LUZP2: variants seen among roughly 807,000 people sequenced by gnomAD.
LUZP2 encodes the protein leucine zipper protein 2.
Under a neutral mutation model 51.6 loss-of-function variants are expected in LUZP2, and 52 were observed. That is an observed-to-expected ratio of 1.01 (90% CI 0.81 to 1.27). The LOEUF (loss-of-function observed/expected upper bound fraction) is 1.27, where lower values mean the gene tolerates loss of function less well. LUZP2 is among the 50% of genes most tolerant of loss of function. The pLI, the probability that LUZP2 is intolerant of heterozygous loss-of-function variation, is 0.00. For synonymous variants in LUZP2, 154 were observed against 137.3 expected, an observed-to-expected ratio of 1.12 and a Z score of -0.85; for missense variants, 436 against 395.4, an observed-to-expected ratio of 1.10 and a Z score of -0.87.
intron 10 of LUZP2, among the ~76,000 whole-genome samples, chr11:25,070,332 G>A (rs1463615365): frequency 6.6e-6 from 1 of 151,790 alleles, no homozygotes; most frequent in Non-Finnish European, 1.5e-5. Flanking sequence ...AAAAAATGTG[G>A]AGCCAGTAAA....
intron 1 of LUZP2, among the ~76,000 whole-genome samples, chr11:24,539,152 A>G (rs1031099986): frequency 3.3e-5 from 5 of 151,802 alleles, no homozygotes; most frequent in African/African-American, 1.2e-4. Flanking sequence ...GCTTTTGTAT[A>G]ATTTTAAAAC....
At chr11:24,920,115 A>G (rs1233400358) in intron 7 of LUZP2, among the ~76,000 whole-genome samples, 2 of 151,820 alleles carry the variant, frequency 1.3e-5, no homozygotes, top group African/African-American at 4.8e-5. Context: ...GGGTAAATTA[A>G]AAACAATGTT....
At chr11:24,534,030 C>G (rs764360029) in intron 1 of LUZP2, among the ~76,000 whole-genome samples, 7 of 151,256 alleles carry the variant, frequency 4.6e-5, no homozygotes, top group African/African-American at 1.7e-4. Flanking sequence ...TAAACCTTCT[C>G]TAAGTCTAAA....
chr11:24,774,354 C>CTATATATA (rs1848842892), intron 5 of LUZP2, among the ~76,000 whole-genome samples: 1 of 82,638 alleles, frequency 1.2e-5, no homozygotes, highest in African/African-American at 5.1e-5. Flanking sequence ...CTCTCTCTCT[C>CTATATATA]TCTCTCTCTA....
At chr11:24,871,377 T>C (rs1416429794) in intron 5 of LUZP2, among the ~76,000 whole-genome samples, 1 of 152,090 alleles carries the variant, frequency 6.6e-6, no homozygotes, top group Non-Finnish European at 1.5e-5. Context: ...CCAATCCTAG[T>C]TTTTATAATT....
intron 4 of LUZP2, among the ~76,000 whole-genome samples, chr11:24,739,277 T>A (rs1331475500): frequency 6.6e-6 from 1 of 151,972 alleles, no homozygotes; most frequent in Non-Finnish European, 1.5e-5. Context: ...TTGAGTGATT[T>A]TTGGTTGGCT....
At chr11:24,868,452 G>T (rs983224969) in intron 5 of LUZP2, among the ~76,000 whole-genome samples, 2 of 152,056 alleles carry the variant, frequency 1.3e-5, no homozygotes, top group African/African-American at 4.8e-5. Context: ...CACTACTTTT[G>T]AGTTATCCAT....
intron 1 of LUZP2, among the ~76,000 whole-genome samples, chr11:24,560,787 G>A (rs1212925570): frequency 6.6e-6 from 1 of 152,178 alleles, no homozygotes; most frequent in Non-Finnish European, 1.5e-5. Context: ...AAAAACTGAT[G>A]ATGCCCTGAA....
intron 7 of LUZP2, among the ~76,000 whole-genome samples, chr11:24,944,784 T>G (rs576277483): frequency 1.4e-3 from 210 of 152,286 alleles, no homozygotes; most frequent in Middle Eastern, 6.8e-3. Context: ...AGTGGTGACC[T>G]GGCAAAAGCT....
At chr11:24,784,699 T>C (rs1197121699) in intron 5 of LUZP2, among the ~76,000 whole-genome samples, 1 of 151,988 alleles carries the variant, frequency 6.6e-6, no homozygotes, top group African/African-American at 2.4e-5. Context: ...CAATAGTGAA[T>C]TGGTGACAAT....
At chr11:24,743,286 G>T (rs995942908) in intron 4 of LUZP2, among the ~76,000 whole-genome samples, 4 of 151,998 alleles carry the variant, frequency 2.6e-5, no homozygotes, top group Non-Finnish European at 4.4e-5. Flanking sequence ...GGGCAGTATG[G>T]CCGTTTTCAC....
intron 1 of LUZP2, among the ~76,000 whole-genome samples, chr11:24,624,847 T>G (rs1374855565): frequency 6.6e-6 from 1 of 152,190 alleles, no homozygotes; most frequent in African/African-American, 2.4e-5. Context: ...TGTGTTTATT[T>G]TTATTATTGT....
intron 1 of LUZP2, among the ~76,000 whole-genome samples, chr11:24,631,938 A>G (rs1454434575): frequency 2.0e-5 from 3 of 152,052 alleles, no homozygotes; most frequent in Non-Finnish European, 4.4e-5. Flanking sequence ...TAATGTACCA[A>G]TTACCAAACC....
intron 1 of LUZP2, among the ~76,000 whole-genome samples, chr11:24,532,124 T>C (rs562161088): frequency 1.9e-3 from 290 of 150,958 alleles, no homozygotes; most frequent in Non-Finnish European, 2.8e-3. Flanking sequence ...TTTTGCCACT[T>C]TTTTAAATTT....
intron 5 of LUZP2, among the ~76,000 whole-genome samples, chr11:24,771,687 C>G (rs765122282): frequency 6.6e-6 from 1 of 151,972 alleles, no homozygotes; most frequent in Non-Finnish European, 1.5e-5. Context: ...CCAAATCTCA[C>G]CTTAATTTGT....
At chr11:24,870,639 T>C (rs1852040263) in intron 5 of LUZP2, among the ~76,000 whole-genome samples, 1 of 152,158 alleles carries the variant, frequency 6.6e-6, no homozygotes, top group South Asian at 2.1e-4. Flanking sequence ...CCTCCAAAAG[T>C]ATCCTAAAGT....
At chr11:24,818,562 AC>A (rs1850257748) in intron 5 of LUZP2, among the ~76,000 whole-genome samples, 1 of 152,094 alleles carries the variant, frequency 6.6e-6, no homozygotes, top group Non-Finnish European at 1.5e-5. Flanking sequence ...GAGGCTTTAA[AC>A]TTTCAATTTC....
At chr11:24,824,909 T>G (rs941787420) in intron 5 of LUZP2, among the ~76,000 whole-genome samples, 1 of 152,076 alleles carries the variant, frequency 6.6e-6, no homozygotes, top group Non-Finnish European at 1.5e-5. Context: ...CAAATAAAAT[T>G]TTTGCTTACT....
At chr11:24,640,080 A>C (rs1855229277) in intron 1 of LUZP2, among the ~76,000 whole-genome samples, 1 of 151,938 alleles carries the variant, frequency 6.6e-6, no homozygotes, top group Non-Finnish European at 1.5e-5. Context: ...AAGAGGCATA[A>C]GAAAGTTATC....
Sources: allele counts gnomAD v4.1 joint callset (sites outside exome capture counted in the v4.1 genomes callset), GRCh38; gene constraint gnomAD v4.1.1; transcripts MANE v1.5; gene names NCBI Gene and HGNC (gene_info 2026-07-23, HGNC 2026-07-21).